BAIAP2L1: variants seen among roughly 807,000 people sequenced by gnomAD.
BAIAP2L1 encodes BAR/IMD domain containing adaptor protein 2 like 1.
BAIAP2L1 carries 35 observed loss-of-function variants against 66.3 expected under a neutral mutation model. The observed-to-expected ratio is 0.53, with a 90% CI of 0.40 to 0.70. BAIAP2L1 has a LOEUF of 0.70. Among genes scored for constraint, BAIAP2L1 ranks in the 30% least tolerant of loss-of-function variants. The probability of loss-of-function intolerance (pLI) is 0.00; values close to 1 mark genes in which losing one functional copy is unlikely to be tolerated. For synonymous variants in BAIAP2L1, 269 were observed against 248.7 expected (o/e 1.08, Z -0.77); for missense variants, 622 against 656.9 (o/e 0.95, Z 0.58).
In BAIAP2L1 at chr7:98,307,907, G is replaced by C; in HGVS notation, c.956-11C>G. The C allele has an allele frequency of 5.0e-6, 8 of 1,613,870 alleles. No individual in the cohort carries two copies. Among genetic ancestry groups the C allele is most frequent in the African/African-American group, 1.3e-5 (1 of 75,052 alleles). ...GATCTTCGGAAGTACCTGTTGGAGG[G>C]AGTGTAGCAGTAATGGCTTTTCAAA... On this transcript the variant is annotated splice_polypyrimidine_tract_variant and intron_variant, in intron 9 of 13. Transcript: ENST00000005260.
chr7:98,316,452 G>A lies in BAIAP2L1; in HGVS notation c.486+767C>T, dbSNP rs1024688565. Among the ~76,000 whole-genome samples, 7 of 152,124 alleles carry A rather than the reference G, an allele frequency of 4.6e-5. No homozygotes were observed. The East Asian group carries it at 1.2e-3, about 25-fold the overall frequency. On this transcript the variant is annotated intron_variant, in intron 6 of 13. Coordinates refer to ENST00000005260, the MANE Select transcript of BAIAP2L1 (RefSeq NM_018842.5). ...GGATAAAAAGCCCATGTTTTGGCAG[G>A]AGGTCACTGATTAATTATACTTAAC...
At chr7:98,375,704 C>T (rs1802610098) in intron 1 of BAIAP2L1, among the ~76,000 whole-genome samples, 2 of 146,566 alleles carry the variant, frequency 1.4e-5, no homozygotes, top group Non-Finnish European at 3.0e-5. Flanking sequence ...ATCACACCCC[C>T]GCACTCCAGC....
intron 3 of BAIAP2L1, among the ~76,000 whole-genome samples, chr7:98,353,392 T>C (rs1802043420): frequency 7.3e-6 from 1 of 136,526 alleles, no homozygotes; most frequent in Non-Finnish European, 1.5e-5. Flanking sequence ...ATGTATATTA[T>C]AAATATACAT....
chr7:98,379,668 A>G (rs1307158582), intron 1 of BAIAP2L1, among the ~76,000 whole-genome samples: 1 of 152,192 alleles, frequency 6.6e-6, no homozygotes, highest in Non-Finnish European at 1.5e-5. Context: ...TTTAGAGACA[A>G]CCCACATGTC....
chr7:98,335,774 A>G (rs1801604970), intron 3 of BAIAP2L1, among the ~76,000 whole-genome samples: 1 of 152,068 alleles, frequency 6.6e-6, no homozygotes, highest in Admixed American at 6.6e-5. Flanking sequence ...CCCCTGAAGG[A>G]CCACCGGGAC....
chr7:98,379,524 C>T (rs12670519), intron 1 of BAIAP2L1, among the ~76,000 whole-genome samples: 6 of 152,200 alleles, frequency 3.9e-5, no homozygotes, highest in Admixed American at 3.9e-4. Flanking sequence ...CTACCAAGTC[C>T]TAACAGGCTT....
intron 12 of BAIAP2L1, among the ~76,000 whole-genome samples, chr7:98,299,027 T>A (rs1048181379): frequency 2.0e-5 from 3 of 152,008 alleles, no homozygotes; most frequent in African/African-American, 7.3e-5. Context: ...TTTTGGTGTT[T>A]TTTTTGAGAT....
chr7:98,386,010 A>G (rs1326039670), intron 1 of BAIAP2L1: 20 of 1,397,650 alleles, frequency 1.4e-5, no homozygotes, highest in Non-Finnish European at 1.8e-5. Context: ...TGTCTTTTCC[A>G]ATGCTGTCTG....
At chr7:98,385,724 ATT>A in intron 1 of BAIAP2L1, 1 of 1,241,646 alleles carries the variant, frequency 8.1e-7, no homozygotes. Context: ...AGGAATCAAC[ATT>A]TCTTTTTTTT....
intron 3 of BAIAP2L1, among the ~76,000 whole-genome samples, chr7:98,342,036 TTC>T (rs1323346429): frequency 1.4e-5 from 2 of 142,452 alleles, no homozygotes; most frequent in African/African-American, 2.6e-5. Context: ...AGAAATTTTT[TTC>T]TGATTTTTTT....
intron 3 of BAIAP2L1, among the ~76,000 whole-genome samples, chr7:98,326,923 G>A (rs1436983187): frequency 6.6e-6 from 1 of 151,658 alleles, no homozygotes; most frequent in African/African-American, 2.4e-5. Context: ...ACCTTCAATG[G>A]ACAATCAAAA....
chr7:98,337,449 T>C (rs774115833), intron 3 of BAIAP2L1, among the ~76,000 whole-genome samples: 8 of 152,256 alleles, frequency 5.3e-5, no homozygotes, highest in Non-Finnish European at 1.0e-4. Flanking sequence ...CACAATGGTC[T>C]TGAACTCCTG....
chr7:98,382,050 T>C (rs13245076), intron 1 of BAIAP2L1, among the ~76,000 whole-genome samples: 61,102 of 151,076 alleles, frequency 0.4, 13,280 homozygotes, highest in Middle Eastern at 0.56. Context: ...CTCAGCCTCC[T>C]GAGTAGCTGG....
At chr7:98,363,611 A>T (rs978868945) in intron 1 of BAIAP2L1, among the ~76,000 whole-genome samples, 1 of 152,200 alleles carries the variant, frequency 6.6e-6, no homozygotes, top group Non-Finnish European at 1.5e-5. Context: ...ACAGACAATA[A>T]GTCATTCCTA....
intron 7 of BAIAP2L1, among the ~76,000 whole-genome samples, chr7:98,313,108 C>A (rs1448012669): frequency 2.0e-5 from 3 of 150,450 alleles, no homozygotes; most frequent in Non-Finnish European, 4.4e-5. Flanking sequence ...CCTCACACCA[C>A]CCCTGTCCCC....
At chr7:98,373,460 G>A (rs1802557016) in intron 1 of BAIAP2L1, among the ~76,000 whole-genome samples, 5 of 152,134 alleles carry the variant, frequency 3.3e-5, no homozygotes, top group Admixed American at 3.3e-4. Flanking sequence ...TAACTTATAA[G>A]ATGCCATCTC....
intron 1 of BAIAP2L1, among the ~76,000 whole-genome samples, chr7:98,376,174 T>A (rs535901842): frequency 6.6e-6 from 1 of 152,282 alleles, no homozygotes; most frequent in African/African-American, 2.4e-5. Context: ...ATGGTTTAAG[T>A]GTCCACGTAG....
chr7:98,310,152 C>T (rs567725864), intron 9 of BAIAP2L1: 8 of 293,784 alleles, frequency 2.7e-5, no homozygotes, highest in African/African-American at 1.1e-4. Flanking sequence ...CGCCTGGCCT[C>T]CATTTATTTG....
chr7:98,348,569 C>CAAAAAAAAAAAAA (rs752966671), intron 3 of BAIAP2L1, among the ~76,000 whole-genome samples: 2 of 109,846 alleles, frequency 1.8e-5, no homozygotes, highest in Non-Finnish European at 1.8e-5. Context: ...TCTGCCTCCA[C>CAAAAAAAAAAAAA]AAAAAAAAAA....
Sources: gnomAD v4.1 joint callset for allele counts (sites outside exome capture counted in the v4.1 genomes callset) on GRCh38, gnomAD v4.1.1 for gene constraint, MANE v1.5 for transcripts, NCBI Gene and HGNC (gene_info 2026-07-23, HGNC 2026-07-21) for gene names.